NGLY1: variants seen among roughly 807,000 people sequenced by gnomAD.
NGLY1 encodes the protein N-glycanase 1.
Under a neutral mutation model 84.6 loss-of-function variants are expected in NGLY1, and 68 were observed. The ratio of observed to expected loss-of-function variants is 0.80; its 90% CI spans 0.66 to 0.98. NGLY1 has a LOEUF of 0.98. Ranked by LOEUF, NGLY1 falls within the 50% of genes least tolerant of loss-of-function variation. NGLY1 has a pLI of 0.00. For missense variants in NGLY1, 779 were observed against 770.2 expected (o/e 1.01, Z -0.14); for synonymous variants, 280 against 275.2 (o/e 1.02, Z -0.17).
chr3:25,720,730 C>T (rs1382753467), intron 10 of NGLY1, among the ~76,000 whole-genome samples: 1 of 152,160 alleles, frequency 6.6e-6, no homozygotes, highest in Non-Finnish European at 1.5e-5. Flanking sequence ...CATCAACGCC[C>T]TTTAGCACAT....
At chr3:25,732,600 A>T in intron 8 of NGLY1, 117 bp from the exon 9 acceptor site, 1 of 629,464 alleles carries the variant, frequency 1.6e-6, no homozygotes, top group Non-Finnish European at 2.6e-6. Context: ...CAAGTACTGA[A>T]TTTTATTTTC....
At chr3:25,745,337 C>G (rs1013198658) in intron 4 of NGLY1, among the ~76,000 whole-genome samples, 1 of 152,136 alleles carries the variant, frequency 6.6e-6, no homozygotes, top group African/African-American at 2.4e-5. Context: ...ACCTCTCCAC[C>G]CTGTCCTCTC....
At chr3:25,733,294 A>G (rs748177112) in intron 8 of NGLY1, among the ~76,000 whole-genome samples, 5 of 152,132 alleles carry the variant, frequency 3.3e-5, no homozygotes, top group Non-Finnish European at 7.4e-5. Context: ...TTCACTGCTT[A>G]TTTTTTAATT....
At chr3:25,773,405 C>T (rs1707991472) in intron 2 of NGLY1, among the ~76,000 whole-genome samples, 1 of 152,140 alleles carries the variant, frequency 6.6e-6, no homozygotes, top group South Asian at 2.1e-4. Context: ...TCTACTTGTT[C>T]AATTCCATTG....
chr3:25,787,453 T>C (rs975771191), upstream of NGLY1, among the ~76,000 whole-genome samples: 1 of 152,206 alleles, frequency 6.6e-6, no homozygotes, highest in Non-Finnish European at 1.5e-5. Context: ...TAGTGATCTT[T>C]CTAAAGCACC....
chr3:25,731,407 T>C lies in NGLY1; in HGVS notation c.1425+912A>G, dbSNP rs115257872. Among the ~76,000 whole-genome samples, 551 of 152,170 alleles carry C rather than the reference T, an allele frequency of 3.6e-3. 3 individuals are homozygous for C. Among genetic ancestry groups the C allele is most frequent in the African/African-American group, 0.012 (510 of 41,542 alleles). The stretch of plus-strand genomic sequence containing the variant: ...AAAATGCAAATTAAAATCACGATAC[T>C]ACTATACGCCACCAGAACTGCTAAA... On this transcript the variant is annotated intron_variant, in intron 9 of 11. Transcript: ENST00000280700.
intron 3 of NGLY1, 102 bp downstream of exon 3, chr3:25,763,964 T>C: frequency 6.9e-7 from 1 of 1,438,988 alleles, no homozygotes; most frequent in Non-Finnish European, 9.4e-7. Context: ...AAGAACAAAA[T>C]ATGGGGCATA....
chr3:25,773,667 CT>C (rs1170228212), intron 2 of NGLY1, among the ~76,000 whole-genome samples: 2 of 152,054 alleles, frequency 1.3e-5, no homozygotes, highest in East Asian at 3.9e-4. Context: ...CTAGTGTGAT[CT>C]TTTGGGGATG....
At chr3:25,729,992 T>C (rs1705458736) in intron 9 of NGLY1, 1 of 152,148 alleles carries the variant, frequency 6.6e-6, no homozygotes, top group South Asian at 2.1e-4. Flanking sequence ...TACTGGATTC[T>C]TTCTCATCCT....
chr3:25,749,032 A>G (rs1427463722), intron 4 of NGLY1, among the ~76,000 whole-genome samples: 2 of 152,244 alleles, frequency 1.3e-5, no homozygotes, highest in African/African-American at 4.8e-5. Flanking sequence ...TGCAAATCAA[A>G]ACTACAGTGA....
intron 2 of NGLY1, among the ~76,000 whole-genome samples, chr3:25,769,634 T>C (rs935145078): frequency 6.6e-6 from 1 of 152,148 alleles, no homozygotes; most frequent in African/African-American, 2.4e-5. Flanking sequence ...AAAAAGAGTA[T>C]GAAGTTTCCT....
chr3:25,743,992 GAATACT>G (rs1706291342), intron 4 of NGLY1, among the ~76,000 whole-genome samples: 1 of 152,110 alleles, frequency 6.6e-6, no homozygotes, highest in Admixed American at 6.5e-5. Context: ...TAAATTCTGT[GAATACT>G]GGGTTTATTT....
At chr3:25,756,695 C>A (rs1223474818) in intron 3 of NGLY1, among the ~76,000 whole-genome samples, 11 of 152,166 alleles carry the variant, frequency 7.2e-5, no homozygotes, top group Admixed American at 7.2e-4. Context: ...CTTGAGTCCT[C>A]CAATTGGTAT....
At chr3:25,750,356 A>G (rs1706671598) in intron 4 of NGLY1, among the ~76,000 whole-genome samples, 1 of 152,198 alleles carries the variant, frequency 6.6e-6, no homozygotes, top group Non-Finnish European at 1.5e-5. Flanking sequence ...ATATCACTGG[A>G]TGAACCCTGA....
chr3:25,751,121 G>A lies in NGLY1; in HGVS notation c.635C>T (p.Ser212Leu), dbSNP rs769094117. 5 of 1,612,512 alleles carry A rather than the reference G, an allele frequency of 3.1e-6. No homozygotes were observed. The South Asian group carries it at 3.3e-5, about 11-fold the overall frequency. The change falls in exon 4 of 12, where the codon TCG (serine) becomes TTG (leucine). Residue 212 changes from serine to leucine, a missense_variant. Physicochemically the swap from Ser to Leu is moderately radical, Grantham distance 145 (BLOSUM62 -2). Transcript: ENST00000280700. ...ELKRKSQEKL[S>L]RARKLDKGIN... The stretch of plus-strand genomic sequence containing the variant: ...ACCTTTATCCAATTTTCTAGCTCTC[G>A]ATAACTTTTCTTGTGATTTCCTTTT...
intron 5 of NGLY1, 89 bp from the exon 6 acceptor site, chr3:25,737,544 ATTTTTT>A: frequency 1.0e-6 from 1 of 974,180 alleles, no homozygotes; most frequent in Non-Finnish European, 1.4e-6. Flanking sequence ...GAAATGTTTA[ATTTTTT>A]TTTTTTTTTT....
intron 7 of NGLY1, 21 bp downstream of exon 7, chr3:25,735,982 GT>G (rs746384762): frequency 1.3e-6 from 2 of 1,563,386 alleles, no homozygotes; most frequent in African/African-American, 2.8e-5. Flanking sequence ...TTGGAAAAAA[GT>G]TTTTTTCTTT....
At chr3:25,747,459 T>C (rs1000875255) in intron 4 of NGLY1, among the ~76,000 whole-genome samples, 9 of 152,130 alleles carry the variant, frequency 5.9e-5, no homozygotes, top group African/African-American at 1.4e-4. Flanking sequence ...AATTGAAAAA[T>C]GGCATAGTGT....
At chr3:25,752,353 G>A (rs1245602516) in intron 3 of NGLY1, among the ~76,000 whole-genome samples, 2 of 151,984 alleles carry the variant, frequency 1.3e-5, no homozygotes, top group Non-Finnish European at 2.9e-5. Context: ...TTTCTGAGTA[G>A]CTGGGAGCAC....
Sources: allele counts gnomAD v4.1 joint callset (sites outside exome capture counted in the v4.1 genomes callset), GRCh38; gene constraint gnomAD v4.1.1; transcripts MANE v1.5; gene names NCBI Gene and HGNC (gene_info 2026-07-23, HGNC 2026-07-21).